Variants in EEF1AKMT3 observed in about 807,000 individuals in gnomAD.
EEF1AKMT3 encodes EEF1A lysine methyltransferase 3, also known as eEF1A-KMT3.
Under a neutral mutation model 17.8 loss-of-function variants are expected in EEF1AKMT3, and 17 were observed. The ratio of observed to expected loss-of-function variants is 0.96; its 90% CI spans 0.65 to 1.43. The LOEUF (loss-of-function observed/expected upper bound fraction) is 1.43. Among genes scored for constraint, EEF1AKMT3 ranks in the 40% most tolerant of loss-of-function variants. EEF1AKMT3 has a pLI of 0.00. For synonymous variants in EEF1AKMT3, 116 were observed against 126.5 expected (o/e 0.92, Z 0.56); for missense variants, 244 against 285.8 (o/e 0.85, Z 1.06).
chr12:57,780,120 C>T, intron 2 of EEF1AKMT3, 135 bp from the exon 3 acceptor site: 2 of 1,036,726 alleles, frequency 1.9e-6, no homozygotes, highest in South Asian at 1.6e-5. Context: ...GTTGAGGCAA[C>T]TAAAAGCCAG....
intron 2 of EEF1AKMT3, 64 bp downstream of exon 2, chr12:57,773,192 C>A (rs1160360583): frequency 6.7e-6 from 10 of 1,490,636 alleles, no homozygotes; most frequent in Non-Finnish European, 9.4e-6. Context: ...ATGGTCACTT[C>A]GTGGATCTTT....
Position 57,782,266 on chromosome 12 carries a change from C to T in EEF1AKMT3, c.*1620C>T, listed in dbSNP as rs1268812029. 6.6e-6 allele frequency: 1 copy of T among 152,354 alleles called. No homozygotes were observed. Among genetic ancestry groups the T allele is most frequent in the East Asian group, 1.9e-4 (1 of 5,180 alleles). The allele number at this position is 152,354 out of a possible 1,614,324, so 9.4% of individuals were successfully genotyped here. A position where few individuals can be genotyped will look rare whatever the true frequency, so the allele number is the denominator to read the frequency against. The stretch of plus-strand genomic sequence containing the variant: ...TGGACATTTGTGATTCTCATTTTCT[C>T]ACCATTAAATTACCTTGGAGGGTAG... On this transcript the variant is annotated 3_prime_UTR_variant, in exon 3 of 3. Coordinates refer to ENST00000300209, the MANE Select transcript of EEF1AKMT3 (RefSeq NM_015433.3).
Position 57,772,901 on chromosome 12 carries a change from G to C in EEF1AKMT3, c.177G>C (p.Ala59=). 1 of 1,613,922 alleles carries C rather than the reference G, an allele frequency of 6.2e-7. No individual in the cohort carries two copies. The highest frequency in any genetic ancestry group is 1.3e-5 in the African/African-American group (1 of 75,076). The change falls in exon 1 of 3, where the codon GCG becomes GCC. Residue 59 remains alanine, a splice_region_variant and synonymous_variant. Coordinates refer to ENST00000300209, the MANE Select transcript of EEF1AKMT3 (RefSeq NM_015433.3). The surrounding 1 kb of genome is among the most constrained non-coding windows in gnomAD (Gnocchi z 4.1). ...RLGVAARVWD[A]ALSLCNYFES... ...GGGTGGCGGCGCGCGTGTGGGACGC[G>C]GTGAGGAATGGGCTGCGCCGGGTGA...
intron 2 of EEF1AKMT3, among the ~76,000 whole-genome samples, chr12:57,778,962 C>T (rs1273438475): frequency 7.2e-5 from 11 of 152,076 alleles, no homozygotes; most frequent in Admixed American, 3.3e-4. Context: ...CAGGTTCAAG[C>T]GATTCTCCTG....
chr12:57,779,861 C>T (rs894017562), intron 2 of EEF1AKMT3, among the ~76,000 whole-genome samples: 1 of 152,176 alleles, frequency 6.6e-6, no homozygotes, highest in Non-Finnish European at 1.5e-5. Context: ...TGGAAAGCTC[C>T]ACCTGACTAA....
At chr12:57,775,282 A>T (rs1169915276) in intron 2 of EEF1AKMT3, among the ~76,000 whole-genome samples, 1 of 151,708 alleles carries the variant, frequency 6.6e-6, no homozygotes, top group Admixed American at 6.6e-5. Context: ...TTTGCCTCCT[A>T]TTTAGCTGTC....
chr12:57,774,910 A>G (rs1231184106), intron 2 of EEF1AKMT3: 43 of 639,056 alleles, frequency 6.7e-5, no homozygotes, highest in Non-Finnish European at 9.5e-5. Context: ...GTTTGAGACC[A>G]GCCTGACCAA....
chr12:57,774,398 T>G (rs1244800050), intron 2 of EEF1AKMT3, among the ~76,000 whole-genome samples: 1 of 152,202 alleles, frequency 6.6e-6, no homozygotes, highest in Non-Finnish European at 1.5e-5. Flanking sequence ...GAGAATCGCT[T>G]GAACCCGGGA....
At chr12:57,775,500 G>GCCTC (rs1207268585) in intron 2 of EEF1AKMT3, among the ~76,000 whole-genome samples, 6 of 151,562 alleles carry the variant, frequency 4.0e-5, no homozygotes, top group African/African-American at 1.5e-4. Context: ...TCCTGCCTCA[G>GCCTC]CCTCCCGAGT....
At chr12:57,775,931 G>GC (rs1328248034) in intron 2 of EEF1AKMT3, among the ~76,000 whole-genome samples, 1 of 152,168 alleles carries the variant, frequency 6.6e-6, no homozygotes, top group Non-Finnish European at 1.5e-5. Flanking sequence ...ATCTTCTCAT[G>GC]TTTTTCCATC....
At chr12:57,774,639 T>TA (rs1279860419) in intron 2 of EEF1AKMT3, 1 of 1,451,620 alleles carries the variant, frequency 6.9e-7, no homozygotes, top group Non-Finnish European at 9.7e-7. Flanking sequence ...GAGCTTATGG[T>TA]CTAGTGAGGG....
In EEF1AKMT3 at chr12:57,772,646, G is replaced by A; in HGVS notation, c.-79G>A. On this transcript the variant is annotated 5_prime_UTR_variant, in exon 1 of 3. Transcript: ENST00000300209. This position sits in a 1 kb window ranked among gnomAD's most constrained non-coding sequence, Gnocchi z 4.1. ...CCACAGGGACACCACGACGGCTCGCGGCCCCCAGCCTCTACCCCGCTCCGG... is the reference window on the plus strand; with the variant it reads ...CCACAGGGACACCACGACGGCTCGCAGCCCCCAGCCTCTACCCCGCTCCGG... 6.9e-7 allele frequency: 1 copy of A among 1,447,680 alleles called. No homozygotes were observed. 89.7% of individuals were successfully genotyped at this position (1,447,680 alleles called of 1,614,324 possible).
At position 57,774,614 on chromosome 12, in the gene EEF1AKMT3, T is replaced by G. The variant is rs563233307; in HGVS notation, c.289+1486T>G. On this transcript the variant is annotated intron_variant, in intron 2 of 2. Transcript: ENST00000300209. ...GGGATTCAACAATAAATAAGACAGA[T>G]TTTCTCTCCCCAAGGAGCTTATGGT... 166 of 1,197,970 alleles carry G rather than the reference T, an allele frequency of 1.4e-4. 4 individuals are homozygous for G. The South Asian group carries it at 1.9e-3, about 14-fold the overall frequency. The allele number at this position is 1,197,970 out of a possible 1,614,324, so 74.2% of individuals were successfully genotyped here.
At chr12:57,775,784 A>G (rs1275660841) in intron 2 of EEF1AKMT3, among the ~76,000 whole-genome samples, 1 of 152,004 alleles carries the variant, frequency 6.6e-6, no homozygotes, top group Non-Finnish European at 1.5e-5. Context: ...CACCAAACAC[A>G]TTTCTCCCTC....
intron 2 of EEF1AKMT3, among the ~76,000 whole-genome samples, chr12:57,776,687 G>A (rs1955482222): frequency 6.6e-6 from 1 of 151,938 alleles, no homozygotes; most frequent in Non-Finnish European, 1.5e-5. Context: ...GTCTCACTCT[G>A]TTGCCCAGGC....
rs1039313548 is a variant in EEF1AKMT3, at chr12:57,781,648, C to A, written c.*1002C>A. 6.6e-6 allele frequency: 1 copy of A among 152,178 alleles called. No homozygotes were observed. The highest frequency in any genetic ancestry group is 2.4e-5 in the African/African-American group (1 of 41,448). 9.4% of individuals were successfully genotyped at this position (152,178 alleles called of 1,614,324 possible). ...AGAATACTGTACCTAGTACTAAGTT[C>A]TTTTCATCTTTGATTTTTCTTTAGC... On this transcript the variant is annotated 3_prime_UTR_variant, in exon 3 of 3. Coordinates refer to ENST00000300209, the MANE Select transcript of EEF1AKMT3 (RefSeq NM_015433.3).
At chr12:57,774,796 A>G (rs780388775) in intron 2 of EEF1AKMT3, 1 of 1,580,220 alleles carries the variant, frequency 6.3e-7, no homozygotes, top group African/African-American at 1.3e-5. Context: ...GTGTGAACAC[A>G]GCAGGCTCAG....
At chr12:57,775,715 G>A (rs148242423) in intron 2 of EEF1AKMT3, among the ~76,000 whole-genome samples, 1 of 152,140 alleles carries the variant, frequency 6.6e-6, no homozygotes, top group Non-Finnish European at 1.5e-5. Context: ...TTTCGCAAGG[G>A]CCTTCAAGCT....
Position 57,780,556 on chromosome 12 carries a change from C to T in EEF1AKMT3, c.591C>T (p.Pro197=), listed in dbSNP as rs140921317. ...GTESFFQHLL[P]QHFQLELAQR... The stretch of plus-strand genomic sequence containing the variant: ...AGAGCTTCTTTCAGCACCTCCTGCC[C>T]CAGCATTTCCAACTGGAGCTGGCTC... Residue 197 remains proline (P), a synonymous_variant, in exon 3 of 3, where the codon CCC becomes CCT. Coordinates refer to ENST00000300209, the MANE Select transcript of EEF1AKMT3 (RefSeq NM_015433.3). 1.2e-6 allele frequency: 2 copies of T among 1,613,854 alleles called. No individual in the cohort carries two copies. Among genetic ancestry groups the T allele is most frequent in the African/African-American group, 2.7e-5 (2 of 74,918 alleles).
Sources: gnomAD v4.1 joint callset for allele counts (sites outside exome capture counted in the v4.1 genomes callset) on GRCh38, gnomAD v4.1.1 for gene constraint, Gnocchi (gnomAD v3.1) non-coding constraint, MANE v1.5 for transcripts, NCBI Gene and HGNC (gene_info 2026-07-23, HGNC 2026-07-21) for gene names.